Variants in RCCD1 observed in about 807,000 individuals in gnomAD.
RCCD1 encodes RCC1 domain containing 1, also known as RCC1 domain-containing protein 1.
Under a neutral mutation model 37.6 loss-of-function variants are expected in RCCD1, and 40 were observed. The observed-to-expected ratio is 1.06, with a 90% confidence interval of 0.83 to 1.39. The LOEUF (loss-of-function observed/expected upper bound fraction) is 1.39. Among genes scored for constraint, RCCD1 ranks in the 40% most tolerant of loss-of-function variants. The probability of loss-of-function intolerance (pLI) is 0.00; values close to 1 mark genes in which losing one functional copy is unlikely to be tolerated. For missense variants in RCCD1, 577 were observed against 517.3 expected (o/e 1.12, Z -1.12); for synonymous variants, 263 against 230.0 (o/e 1.14, Z -1.30).
At position 90,960,451 on chromosome 15, in the gene RCCD1, A is replaced by G. The variant is rs1446189010; in HGVS notation, c.902A>G (p.Asp301Gly). 1 of 1,613,014 alleles carries G rather than the reference A, an allele frequency of 6.2e-7. No individual in the cohort carries two copies. The highest frequency in any genetic ancestry group is 1.7e-5 in the Admixed American group (1 of 60,004). Residue 301 changes from aspartate to glycine, a missense_variant, in exon 6 of 8, where the codon GAT (aspartate) becomes GGT (glycine). Coordinates refer to ENST00000394258, the MANE Select transcript of RCCD1 (RefSeq NM_001017919.2). ...TTACTGGATCTCCCCATGGGCTCAG[A>G]TGCAGTCAAGGCCAGCTGTGGATCC... is the stretch of plus-strand genomic sequence containing the variant. ...PALLDLPMGS[D>G]AVKASCGSRH...
chr15:90,958,941 A>AAACAAAAAAC (rs1254388153), intron 4 of RCCD1, among the ~76,000 whole-genome samples: 3 of 105,716 alleles, frequency 2.8e-5, no homozygotes, highest in African/African-American at 1.6e-4. Flanking sequence ...CTGTCTAAAA[A>AAACAAAAAAC]AAAAAAAAAA....
At chr15:90,960,597 CA>C in intron 6 of RCCD1, 99 bp downstream of exon 6, 1 of 1,146,118 alleles carries the variant, frequency 8.7e-7, no homozygotes, top group Non-Finnish European at 1.2e-6. Context: ...TTCTGTGGCT[CA>C]TACAGAGCAG....
chr15:90,958,944 A>C (rs1343843678), intron 4 of RCCD1, among the ~76,000 whole-genome samples: 1 of 101,504 alleles, frequency 9.9e-6, no homozygotes. Context: ...TCTAAAAAAA[A>C]AAAAAAAACA....
chr15:90,961,985 A>G lies in RCCD1; in HGVS notation c.*216A>G, dbSNP rs1280923584. The G allele has an allele frequency of 1.4e-5, 5 of 365,114 alleles. No individual in the cohort carries two copies. Among genetic ancestry groups the G allele is most frequent in the Non-Finnish European group, 4.9e-6 (1 of 202,084 alleles). 22.6% of individuals were successfully genotyped at this position (365,114 alleles called of 1,614,324 possible). A position where few individuals can be genotyped will look rare whatever the true frequency, so the allele number is the denominator to read the frequency against. ...GGTCAGCATCAATCAAAACAATGAAATCAATGAAACAATGAAACCAGAGCT... is the reference window on the plus strand; with the variant it reads ...GGTCAGCATCAATCAAAACAATGAAGTCAATGAAACAATGAAACCAGAGCT... On this transcript the variant is annotated 3_prime_UTR_variant, in exon 8 of 8. Transcript: ENST00000394258.
At chr15:90,960,751 C>T (rs148852016) in intron 6 of RCCD1, 9 of 610,370 alleles carry the variant, frequency 1.5e-5, no homozygotes, top group Admixed American at 8.5e-5. Context: ...ATTCCCTGCC[C>T]GCCGCCGCCT....
chr15:90,960,872 G>C lies in RCCD1; in HGVS notation c.950-153G>C, dbSNP rs531208650. On this transcript the variant is annotated intron_variant, in intron 6 of 7. Transcript: ENST00000394258. Reference sequence around the variant, plus strand: ...CGGGATCCTCTGCCATGCCACGTGTGATCAGCCAGTTGTTAAGAGAATATG... The same window carrying C: ...CGGGATCCTCTGCCATGCCACGTGTCATCAGCCAGTTGTTAAGAGAATATG... The C allele has an allele frequency of 5.6e-4, 443 of 784,788 alleles. No homozygotes were observed. In the African/African-American group the frequency reaches 6.1e-3, roughly 11 times the overall value. 48.6% of individuals were successfully genotyped at this position (784,788 alleles called of 1,614,324 possible). A position where few individuals can be genotyped will look rare whatever the true frequency, so the allele number is the denominator to read the frequency against.
Position 90,956,662 on chromosome 15 carries a change from A to G in RCCD1, c.-73A>G. On this transcript the variant is annotated 5_prime_UTR_variant, in exon 2 of 8. Coordinates refer to ENST00000394258, the MANE Select transcript of RCCD1 (RefSeq NM_001017919.2). Reference sequence around the variant, plus strand: ...GCCAGAGACTTGCCAGTGTCCCACTAGCGGGCTCTTCGCAAGAATCCCCCC... The same window carrying G: ...GCCAGAGACTTGCCAGTGTCCCACTGGCGGGCTCTTCGCAAGAATCCCCCC... The G allele has an allele frequency of 2.5e-6, 3 of 1,214,376 alleles. No individual in the cohort carries two copies. The highest frequency in any genetic ancestry group is 7.7e-5 in the South Asian group (2 of 26,080). The allele number at this position is 1,214,376 out of a possible 1,614,324, so 75.2% of individuals were successfully genotyped here. A position where few individuals can be genotyped will look rare whatever the true frequency, so the allele number is the denominator to read the frequency against.
chr15:90,957,204 G>C lies in RCCD1; in HGVS notation c.258G>C (p.Leu86=). ...CCTCGGAGGGGCTCCTCGCGGTGCT[G>C]CGCGCCGGGCCGGGGCCGGAGGCGT... ...AWASEGLLAV[L]RAGPGPEALL... The change falls in exon 3 of 8, where the codon CTG becomes CTC. Residue 86 remains leucine (L), a synonymous_variant. Transcript: ENST00000394258. 7.1e-7 allele frequency: 1 copy of C among 1,407,060 alleles called. No homozygotes were observed. Among genetic ancestry groups the C allele is most frequent in the Non-Finnish European group, 9.2e-7 (1 of 1,084,816 alleles). 87.2% of individuals were successfully genotyped at this position (1,407,060 alleles called of 1,614,324 possible).
chr15:90,960,763 T>C, intron 6 of RCCD1: 5 of 612,882 alleles, frequency 8.2e-6, no homozygotes, highest in Non-Finnish European at 1.4e-5. Flanking sequence ...CCGCCGCCTC[T>C]GACAGCAGGG....
At chr15:90,955,469 G>T (rs1032059835) in intron 1 of RCCD1, 1 of 152,398 alleles carries the variant, frequency 6.6e-6, no homozygotes, top group Non-Finnish European at 1.5e-5. Flanking sequence ...GGCCCCCTTG[G>T]GTTGGGAGAG....
At chr15:90,959,873 T>TAAAGAGA (rs2037277937) in intron 4 of RCCD1, 27 bp from the exon 5 acceptor site, 1 of 1,542,324 alleles carries the variant, frequency 6.5e-7, no homozygotes, top group African/African-American at 1.4e-5. Context: ...CACAGTCTGT[T>TAAAGAGA]TCATGTGTCC....
intron 4 of RCCD1, among the ~76,000 whole-genome samples, chr15:90,958,700 G>A (rs528427919): frequency 3.8e-4 from 58 of 151,574 alleles, no homozygotes; most frequent in African/African-American, 1.4e-3. Flanking sequence ...GAATGGGCCT[G>A]GGCTGGTTGC....
At chr15:90,961,099 A>G in intron 7 of RCCD1, 45 bp downstream of exon 7, 3 of 1,596,084 alleles carry the variant, frequency 1.9e-6, no homozygotes, top group Non-Finnish European at 2.6e-6. Flanking sequence ...CAAGGAGAAG[A>G]AAGACCTGGG....
chr15:90,961,359 A>C (rs1286845073), intron 7 of RCCD1: 31 of 580,976 alleles, frequency 5.3e-5, no homozygotes, highest in Non-Finnish European at 9.2e-6. Flanking sequence ...TGGGTGGAGA[A>C]AAAGATTCGA....
rs1461592637 is a variant in RCCD1 at position 90,962,471 on chromosome 15, C to CT, written c.*705dup. The stretch of plus-strand genomic sequence containing the variant: ...GTTGAATTGCTAAGTCAGGAGATAC[C>CT]TTTAATTTTACTAGATAACTGTTGC... On this transcript the variant is annotated 3_prime_UTR_variant, in exon 8 of 8. Transcript: ENST00000394258. The CT allele has an allele frequency of 2.6e-5, 4 of 152,158 alleles. No individual in the cohort carries two copies. The highest frequency in any genetic ancestry group is 2.0e-4 in the Admixed American group (3 of 15,274). The allele number at this position is 152,158 out of a possible 1,614,324, so 9.4% of individuals were successfully genotyped here. A position where few individuals can be genotyped will look rare whatever the true frequency, so the allele number is the denominator to read the frequency against.
At position 90,960,463 on chromosome 15, in the gene RCCD1, C is replaced by T. The variant is rs761762986; in HGVS notation, c.914C>T (p.Ala305Val). The T allele has an allele frequency of 1.2e-6, 2 of 1,612,350 alleles. No individual in the cohort carries two copies. The highest frequency in any genetic ancestry group is 1.1e-5 in the South Asian group (1 of 91,074). Reference sequence around the variant, plus strand: ...CCCATGGGCTCAGATGCAGTCAAGGCCAGCTGTGGATCCCGGCACACAGCT... The same window carrying T: ...CCCATGGGCTCAGATGCAGTCAAGGTCAGCTGTGGATCCCGGCACACAGCT... ...DLPMGSDAVK[A>V]SCGSRHTAVV... is the part of the protein sequence containing the mutation. The change falls in exon 6 of 8, where the codon GCC (alanine) becomes GTC (valine). Residue 305 changes from alanine to valine, a missense_variant. Coordinates refer to ENST00000394258, the MANE Select transcript of RCCD1 (RefSeq NM_001017919.2).
Position 90,959,982 on chromosome 15 carries a change from G to A in RCCD1, c.762G>A (p.Glu254=). The change falls in exon 5 of 8, where the codon GAG becomes GAA. Residue 254 remains glutamate (E), a synonymous_variant. Coordinates refer to ENST00000394258, the MANE Select transcript of RCCD1 (RefSeq NM_001017919.2). ...CCAGGAACCTGGCAGAGGATGGAGAGACTGTCGCAAGGGAAGGTGAGGGTC... is the reference window on the plus strand; with the variant it reads ...CCAGGAACCTGGCAGAGGATGGAGAAACTGTCGCAAGGGAAGGTGAGGGTC... ...LPTRNLAEDG[E]TVAREATELN... The A allele has an allele frequency of 6.2e-7, 1 of 1,613,226 alleles. No homozygotes were observed. Among genetic ancestry groups the A allele is most frequent in the African/African-American group, 1.3e-5 (1 of 75,030 alleles).
chr15:90,960,595 C>A, intron 6 of RCCD1, 97 bp downstream of exon 6: 3 of 1,183,928 alleles, frequency 2.5e-6, no homozygotes, highest in Non-Finnish European at 3.5e-6. Context: ...GCTTCTGTGG[C>A]TCATACAGAG....
Position 90,959,893 on chromosome 15 carries a change from C to T in RCCD1, c.680-7C>T, listed in dbSNP as rs1329968550. Reference sequence around the variant, plus strand: ...TCTGTTTCATGTGTCCCCTTGATCTCTTTCAGAGACTGGGGATATTTATAT... The same window carrying T: ...TCTGTTTCATGTGTCCCCTTGATCTTTTTCAGAGACTGGGGATATTTATAT... On this transcript the variant is annotated splice_polypyrimidine_tract_variant and splice_region_variant and intron_variant, in intron 4 of 7. Transcript: ENST00000394258. 6.2e-7 allele frequency: 1 copy of T among 1,604,316 alleles called. No individual in the cohort carries two copies. Among genetic ancestry groups the T allele is most frequent in the Non-Finnish European group, 8.5e-7 (1 of 1,172,674 alleles).
Sources: gnomAD v4.1 joint callset for allele counts (sites outside exome capture counted in the v4.1 genomes callset) on GRCh38, gnomAD v4.1.1 for gene constraint, MANE v1.5 for transcripts, NCBI Gene and HGNC (gene_info 2026-07-23, HGNC 2026-07-21) for gene names.